Variants in GEN1 observed in about 807,000 individuals in gnomAD.
GEN1 encodes the protein flap endonuclease GEN homolog 1.
In GEN1, 64 loss-of-function variants were observed where a neutral mutation model predicts 67.6. The ratio of observed to expected loss-of-function variants is 0.95; its 90% CI spans 0.77 to 1.17. The LOEUF is 1.17. Among genes scored for constraint, GEN1 ranks in the 50% most tolerant of loss-of-function variants. The pLI is 0.00. For synonymous variants in GEN1, 371 were observed against 359.4 expected (o/e 1.03, Z -0.37); for missense variants, 1,058 against 1,048.3 (o/e 1.01, Z -0.13).
intron 3 of GEN1, among the ~76,000 whole-genome samples, chr2:17,762,662 A>G (rs1671742327): frequency 6.6e-6 from 1 of 152,200 alleles, no homozygotes; most frequent in South Asian, 2.1e-4. Flanking sequence ...TGCAACATGT[A>G]TGAAGCTATG....
intron 12 of GEN1, among the ~76,000 whole-genome samples, chr2:17,778,467 T>C (rs1672665204): frequency 6.7e-6 from 1 of 149,686 alleles, no homozygotes; most frequent in Non-Finnish European, 1.5e-5. Flanking sequence ...CATATATGTA[T>C]ATACACACAC....
chr2:17,779,206 A>G (rs1672705333), intron 12 of GEN1, among the ~76,000 whole-genome samples: 1 of 152,210 alleles, frequency 6.6e-6, no homozygotes, highest in Non-Finnish European at 1.5e-5. Context: ...TACAGGCGTG[A>G]GCCACTGCGC....
upstream of GEN1, chr2:17,753,784 G>C (rs918764340): frequency 6.6e-6 from 1 of 152,246 alleles, no homozygotes; most frequent in Non-Finnish European, 1.5e-5. Flanking sequence ...ATTCCCGGGA[G>C]CCCCGGCGCC....
At chr2:17,771,093 A>G in intron 6 of GEN1, 103 bp from the exon 7 acceptor site, 3 of 746,090 alleles carry the variant, frequency 4.0e-6, no homozygotes, top group Non-Finnish European at 7.2e-6. Context: ...AAGGGAAAAT[A>G]ATTAGGTAGG....
At chr2:17,777,194 G>C (rs1185023550) in intron 11 of GEN1, among the ~76,000 whole-genome samples, 3 of 152,108 alleles carry the variant, frequency 2.0e-5, no homozygotes, top group Non-Finnish European at 4.4e-5. Flanking sequence ...AATGAACACA[G>C]AGGGAAGATG....
chr2:17,768,898 C>A, intron 6 of GEN1, 87 bp downstream of exon 6: 1 of 701,412 alleles, frequency 1.4e-6, no homozygotes, highest in Non-Finnish European at 2.3e-6. Flanking sequence ...AATTGTTTTC[C>A]AAAAAAGGGT....
rs1558409410 is a variant in GEN1 at position 17,778,326 on chromosome 2, GTACATATATGTATACACACACA to G, written c.1264+265_1264+286del. 6.5e-4 allele frequency among the ~76,000 whole-genome samples: 39 copies of G among 59,648 alleles called. 6 individuals are homozygous for G. Among genetic ancestry groups the G allele is most frequent in the African/African-American group, 1.4e-3 (18 of 13,316 alleles). 39.1% of individuals were successfully genotyped at this position (59,648 alleles called of 152,430 possible). On this transcript the variant is annotated intron_variant, in intron 12 of 13. Coordinates refer to ENST00000381254, the MANE Select transcript of GEN1 (RefSeq NM_001130009.3). ...CATATATGTATATACACACACACGT[GTACATATATGTATACACACACA>G]TGTGTGTACATATATGTATATACAC...
rs1277217819 is a variant in GEN1 at position 17,786,129 on chromosome 2, A to G, written c.*4190A>G. 1 of 152,150 alleles carries G rather than the reference A, an allele frequency of 6.6e-6. No homozygotes were observed. The highest frequency in any genetic ancestry group is 2.4e-5 in the African/African-American group (1 of 41,434). 9.4% of individuals were successfully genotyped at this position (152,150 alleles called of 1,614,324 possible). ...ACAGGCATTGTGCTGGGCCCTGGAG[A>G]TACAGTGATCAATGGCATCCTATAA... On this transcript the variant is annotated 3_prime_UTR_variant, in exon 14 of 14. Coordinates refer to ENST00000381254, the MANE Select transcript of GEN1 (RefSeq NM_001130009.3).
chr2:17,765,829 G>A (rs890227995), intron 4 of GEN1, among the ~76,000 whole-genome samples: 7 of 152,000 alleles, frequency 4.6e-5, no homozygotes, highest in South Asian at 2.1e-4. Context: ...CTTAAAAAAC[G>A]TAATTAACAA....
At chr2:17,773,880 C>T (rs1327533705) in intron 10 of GEN1, among the ~76,000 whole-genome samples, 5 of 152,122 alleles carry the variant, frequency 3.3e-5, no homozygotes, top group East Asian at 1.9e-4. Context: ...ACATTAAGAA[C>T]GACAGCCACA....
rs1812152 is a variant in GEN1 at position 17,761,508 on chromosome 2, T to A, written c.274T>A (p.Ser92Thr). The change falls in exon 3 of 14, where the codon TCT becomes ACT. Residue 92 changes from serine to threonine, a missense_variant. Ser to Thr is a moderately conservative substitution (Grantham distance 58, BLOSUM62 1). Transcript: ENST00000381254. ...KADVISKRNQ[S>T]RYGSSGKSWS... Reference sequence around the variant, plus strand: ...TGATGTCATAAGCAAGAGGAATCAGTCTCGGTATGGGTCTTCTGGAAAATC... The same window carrying A: ...TGATGTCATAAGCAAGAGGAATCAGACTCGGTATGGGTCTTCTGGAAAATC... 1,075,114 of 1,611,416 alleles carry A rather than the reference T, an allele frequency of 0.67. 365,668 individuals are homozygous for A. Among genetic ancestry groups the A allele is most frequent in the East Asian group, 0.99 (44,203 of 44,844 alleles).
In GEN1 at chr2:17,778,015, C is replaced by T. The variant is rs757163395; in HGVS notation, c.1216C>T (p.Arg406Ter). Residue 406 changes from arginine (R) to a stop codon, truncating the protein, a stop_gained, in exon 12 of 14, where the codon CGA (arginine) becomes TGA (stop). Coordinates refer to ENST00000381254, the MANE Select transcript of GEN1 (RefSeq NM_001130009.3). LOFTEE classifies it high-confidence loss of function. ...QLQPIRIVKTRIRNGVHCFEI... is the reference protein window; with the variant it reads ...QLQPIRIVKT The stretch of plus-strand genomic sequence containing the variant: ...TTTGTTTTTCAGAATTGTTAAGACT[C>T]GAATCAGAAATGGAGTTCATTGTTT... The T allele has an allele frequency of 2.9e-5, 46 of 1,588,910 alleles. 1 individual carries two copies. The highest frequency in any genetic ancestry group is 4.0e-5 in the Non-Finnish European group (46 of 1,159,726).
At position 17,784,207 on chromosome 2, in the gene GEN1, A is replaced by G. The variant is rs1672972262; in HGVS notation, c.*2268A>G. 6.6e-6 allele frequency: 1 copy of G among 152,254 alleles called. No homozygotes were observed. The highest frequency in any genetic ancestry group is 2.4e-5 in the African/African-American group (1 of 41,466). The allele number at this position is 152,254 out of a possible 1,614,324, so 9.4% of individuals were successfully genotyped here. A position where few individuals can be genotyped will look rare whatever the true frequency, so the allele number is the denominator to read the frequency against. Reference sequence around the variant, plus strand: ...AGGCTTTTCTGCAAAGAAGAAATACAAATGACCAAGAAGCACATTTAAAAA... The same window carrying G: ...AGGCTTTTCTGCAAAGAAGAAATACGAATGACCAAGAAGCACATTTAAAAA... On this transcript the variant is annotated 3_prime_UTR_variant, in exon 14 of 14. Coordinates refer to ENST00000381254, the MANE Select transcript of GEN1 (RefSeq NM_001130009.3).
chr2:17,760,903 C>A (rs1671643877), intron 2 of GEN1, among the ~76,000 whole-genome samples: 1 of 146,786 alleles, frequency 6.8e-6, no homozygotes, highest in African/African-American at 2.6e-5. Flanking sequence ...GCCTGGGCAA[C>A]AGAGTGAGAC....
intron 7 of GEN1, 30 bp from the exon 8 acceptor site, chr2:17,772,604 A>C: frequency 6.4e-7 from 1 of 1,569,324 alleles, no homozygotes; most frequent in Non-Finnish European, 8.6e-7. Context: ...AAGGCAAAAA[A>C]TATTATACTT....
rs763383559 is a variant in GEN1, at chr2:17,781,431, G to T, written c.2219G>T (p.Gly740Val). Reference sequence around the variant, plus strand: ...TCCAGAGACTCTAAAATTCTAAAAGGAGACCAGCTGCTTCAAGAAGACTAT... The same window carrying T: ...TCCAGAGACTCTAAAATTCTAAAAGTAGACCAGCTGCTTCAAGAAGACTAT... Reference protein sequence around the residue: ...NESRDSKILKGDQLLQEDYKV... With the variant: ...NESRDSKILKVDQLLQEDYKV... Residue 740 changes from glycine (G) to valine (V), a missense_variant, in exon 14 of 14, where the codon GGA becomes GTA. By Grantham distance (109) the Gly-to-Val change is moderately radical. Coordinates refer to ENST00000381254, the MANE Select transcript of GEN1 (RefSeq NM_001130009.3). 3.7e-6 allele frequency: 6 copies of T among 1,613,472 alleles called. No individual in the cohort carries two copies. The East Asian group carries it at 1.3e-4, about 36-fold the overall frequency.
chr2:17,757,790 A>T (rs1054693305), intron 1 of GEN1, among the ~76,000 whole-genome samples: 1 of 152,238 alleles, frequency 6.6e-6, no homozygotes, highest in African/African-American at 2.4e-5. Flanking sequence ...ATATTTAGCC[A>T]AGAAGCAAAC....
Position 17,781,251 on chromosome 2 carries a change from C to T in GEN1, c.2039C>T (p.Thr680Ile), listed in dbSNP as rs300169. 0.66 allele frequency: 1,061,034 copies of T among 1,612,018 alleles called. 355,885 individuals carry two copies. The highest frequency in any genetic ancestry group is 0.99 in the East Asian group (44,209 of 44,852). The change falls in exon 14 of 14, where the codon ACA becomes ATA. Residue 680 changes from threonine (T) to isoleucine (I), a missense_variant. Coordinates refer to ENST00000381254, the MANE Select transcript of GEN1 (RefSeq NM_001130009.3). The part of the protein sequence containing the change: ...QDLPLKERIF[T>I]KLSYPQDNLQ... ...TTGCCTTTAAAGGAACGAATATTTA[C>T]AAAATTATCATATCCTCAGGATAAT... is the stretch of plus-strand genomic sequence containing the variant.
chr2:17,780,660 A>T lies in GEN1; in HGVS notation c.1448A>T (p.Glu483Val). 1.2e-6 allele frequency: 2 copies of T among 1,604,740 alleles called. No homozygotes were observed. The highest frequency in any genetic ancestry group is 1.7e-6 in the Non-Finnish European group (2 of 1,175,476). ...GAAAACAATTTGCCAGAACCAGATG[A>T]AGTAATGAGCTTTCAGTCACACATG... is the stretch of plus-strand genomic sequence containing the variant. ...PKENNLPEPD[E>V]VMSFQSHMTL... Residue 483 changes from glutamate to valine, a missense_variant, in exon 14 of 14, where the codon GAA becomes GTA. Physicochemically the swap from Glu to Val is moderately radical, Grantham distance 121. Coordinates refer to ENST00000381254, the MANE Select transcript of GEN1 (RefSeq NM_001130009.3).
Sources: allele counts gnomAD v4.1 joint callset (sites outside exome capture counted in the v4.1 genomes callset), GRCh38; gene constraint gnomAD v4.1.1; transcripts MANE v1.5; gene names NCBI Gene and HGNC (gene_info 2026-07-23, HGNC 2026-07-21).